Variants in COL9A2 observed in about 807,000 individuals in gnomAD.
COL9A2 encodes collagen alpha-2(IX) chain.
COL9A2 carries 66 observed loss-of-function variants against 111.6 expected under a neutral mutation model. The observed-to-expected ratio is 0.59, with a 90% CI of 0.48 to 0.73. The LOEUF is 0.73. Among genes scored for constraint, COL9A2 ranks in the 30% least tolerant of loss-of-function variants. The probability of loss-of-function intolerance (pLI) is 0.00; values close to 1 mark genes in which losing one functional copy is unlikely to be tolerated. For missense variants in COL9A2, 881 were observed against 954.1 expected, an observed-to-expected ratio of 0.92 and a Z score of 1.01; for synonymous variants, 353 against 364.1, an observed-to-expected ratio of 0.97 and a Z score of 0.35.
In COL9A2 at chr1:40,305,643, C is replaced by T; in HGVS notation, c.1107+72G>A. On this transcript the variant is annotated intron_variant, in intron 21 of 31. Coordinates refer to ENST00000372748, the MANE Select transcript of COL9A2 (RefSeq NM_001852.4). The stretch of plus-strand genomic sequence containing the variant: ...AGAGCCAGACTAACTCGGAGCTCTC[C>T]CTAGGTTAGGGCTCCACCCCATGGC... The T allele has an allele frequency of 6.4e-6, 9 of 1,405,230 alleles. No homozygotes were observed. In the Admixed American group the frequency reaches 6.7e-5, roughly 10 times the overall value. The allele number at this position is 1,405,230 out of a possible 1,614,324, so 87.0% of individuals were successfully genotyped here.
rs1643950607 is a variant in COL9A2, at chr1:40,303,544, TC to T, written c.1533del (p.Arg512AspfsTer19). ...GCCCGACTCACCTCCACGCCCTGTCTCCCGGGCTGTCCTGGCACGCCTCGGT... is the reference window on the plus strand; with the variant it reads ...GCCCGACTCACCTCCACGCCCTGTCTCCGGGCTGTCCTGGCACGCCTCGGT... ...AGNRGVPGQP[G>X]RQGVEGRDAT... On this transcript the variant is annotated frameshift_variant, in exon 28 of 32. Transcript: ENST00000372748. LOFTEE classifies it high-confidence loss of function. The surrounding 1 kb of genome is among the most constrained non-coding windows in gnomAD (Gnocchi z 4.6). 6.2e-7 allele frequency: 1 copy of T among 1,610,872 alleles called. No individual in the cohort carries two copies. Among genetic ancestry groups the T allele is most frequent in the Non-Finnish European group, 8.5e-7 (1 of 1,179,314 alleles).
chr1:40,305,777 A>G lies in COL9A2; in HGVS notation c.1054-9T>C. Reference sequence around the variant, plus strand: ...TGCGGGCCCGGCTCACCCTGCAGGAAAACAGTTCTCAGGTCAGTCTGGGTG... The same window carrying G: ...TGCGGGCCCGGCTCACCCTGCAGGAGAACAGTTCTCAGGTCAGTCTGGGTG... On this transcript the variant is annotated splice_polypyrimidine_tract_variant and intron_variant, in intron 20 of 31. Coordinates refer to ENST00000372748, the MANE Select transcript of COL9A2 (RefSeq NM_001852.4). 1 of 1,614,038 alleles carries G rather than the reference A, an allele frequency of 6.2e-7. No homozygotes were observed. The highest frequency in any genetic ancestry group is 8.5e-7 in the Non-Finnish European group (1 of 1,179,936).
At chr1:40,305,835 A>T (rs1036110019) in intron 20 of COL9A2, 67 bp from the exon 21 acceptor site, 1 of 1,425,902 alleles carries the variant, frequency 7.0e-7, no homozygotes, top group East Asian at 2.3e-5. Flanking sequence ...AGGGAAACCC[A>T]ACGAAGCCTA....
intron 20 of COL9A2, 108 bp from the exon 21 acceptor site, chr1:40,305,876 G>C (rs772029994): frequency 5.1e-6 from 5 of 980,288 alleles, no homozygotes; most frequent in African/African-American, 3.2e-5. Flanking sequence ...GAGCTGGGAC[G>C]GGGGAGAGGG....
Position 40,311,148 on chromosome 1 carries a change from T to C in COL9A2, c.577-2A>G. 6.2e-7 allele frequency: 1 copy of C among 1,614,210 alleles called. No homozygotes were observed. The highest frequency in any genetic ancestry group is 1.1e-5 in the South Asian group (1 of 91,088). The stretch of plus-strand genomic sequence containing the variant: ...AATCCCGCGTTTGCCCGCATGCCCC[T>C]GAAGGGAAGGAGAGAGCTCAATACG... On this transcript the variant is annotated splice_acceptor_variant, in intron 11 of 31. Transcript: ENST00000372748. LOFTEE classifies it high-confidence loss of function. The surrounding 1 kb of genome is among the most constrained non-coding windows in gnomAD (Gnocchi z 5.1).
Position 40,317,231 on chromosome 1 carries a change from G to T in COL9A2, c.-34C>A. On this transcript the variant is annotated 5_prime_UTR_variant, in exon 1 of 32. Coordinates refer to ENST00000372748, the MANE Select transcript of COL9A2 (RefSeq NM_001852.4). This position sits in a 1 kb window ranked among gnomAD's most constrained non-coding sequence, Gnocchi z 4.3. ...GCGAGACCAAGGGGGACGGGTGCGT[G>T]TCCGCGCACGCACCGACGGCAGAGT... The T allele has an allele frequency of 2.0e-6, 3 of 1,534,078 alleles. No individual in the cohort carries two copies. The highest frequency in any genetic ancestry group is 2.7e-6 in the Non-Finnish European group (3 of 1,130,472).
Position 40,301,075 on chromosome 1 carries a change from G to A in COL9A2, c.*107C>T. On this transcript the variant is annotated 3_prime_UTR_variant, in exon 32 of 32. Transcript: ENST00000372748. ...AGGACTCCTGAGTCCCAGACAGAAG[G>A]TCCTGGGGGAGATGGTTTCCTGGAC... 1 of 1,193,598 alleles carries A rather than the reference G, an allele frequency of 8.4e-7. No individual in the cohort carries two copies. Among genetic ancestry groups the A allele is most frequent in the Non-Finnish European group, 1.2e-6 (1 of 814,966 alleles). 73.9% of individuals were successfully genotyped at this position (1,193,598 alleles called of 1,614,324 possible). A position where few individuals can be genotyped will look rare whatever the true frequency, so the allele number is the denominator to read the frequency against.
Position 40,307,795 on chromosome 1 carries a change from G to A in COL9A2, c.901-39C>T, listed in dbSNP as rs770497535. 1 of 1,609,298 alleles carries A rather than the reference G, an allele frequency of 6.2e-7. No individual in the cohort carries two copies. The highest frequency in any genetic ancestry group is 1.3e-5 in the African/African-American group (1 of 74,794). On this transcript the variant is annotated intron_variant, in intron 17 of 31. Transcript: ENST00000372748. This position sits in a 1 kb window ranked among gnomAD's most constrained non-coding sequence, Gnocchi z 4.8. ...AAGTTCAAGGGAGAGTGATAATGCG[G>A]AGATGTCTGGGGTCTGGCCACCCAC...
chr1:40,305,031 A>T, intron 21 of COL9A2, 184 bp from the exon 22 acceptor site: 3 of 499,872 alleles, frequency 6.0e-6, no homozygotes, highest in Non-Finnish European at 1.1e-5. Flanking sequence ...CACAATTTGA[A>T]TTACTTATCA....
intron 16 of COL9A2, 76 bp downstream of exon 16, chr1:40,309,862 C>A: frequency 6.9e-7 from 1 of 1,454,874 alleles, no homozygotes; most frequent in South Asian, 1.1e-5. Flanking sequence ...CTCACACACA[C>A]AGCCTTAGGG....
chr1:40,312,299 G>C lies in COL9A2; in HGVS notation c.363+157C>G. The C allele has an allele frequency of 8.8e-7, 1 of 1,132,504 alleles. No homozygotes were observed. The highest frequency in any genetic ancestry group is 1.3e-6 in the Non-Finnish European group (1 of 768,932). The allele number at this position is 1,132,504 out of a possible 1,614,324, so 70.2% of individuals were successfully genotyped here. A position where few individuals can be genotyped will look rare whatever the true frequency, so the allele number is the denominator to read the frequency against. On this transcript the variant is annotated intron_variant, in intron 7 of 31. Coordinates refer to ENST00000372748, the MANE Select transcript of COL9A2 (RefSeq NM_001852.4). The surrounding 1 kb of genome is among the most constrained non-coding windows in gnomAD (Gnocchi z 6.0). ...ATTGCAGAGCCAGTGGACAGGCCCA[G>C]AGTGGGCTGGCCCTGGGTCTCTGGC...
At position 40,301,293 on chromosome 1, in the gene COL9A2, G is replaced by A; in HGVS notation, c.1959C>T (p.Gly653=). The A allele has an allele frequency of 1.2e-6, 2 of 1,613,080 alleles. No homozygotes were observed. Among genetic ancestry groups the A allele is most frequent in the Non-Finnish European group, 8.5e-7 (1 of 1,179,436 alleles). The change falls in exon 32 of 32, where the codon GGC becomes GGT. Residue 653 remains glycine, a synonymous_variant. Transcript: ENST00000372748. ...CCGGCAGCCCCACGGGGCCTGGCAGGCCAGGTCGACCTGCCTCTCCTGGAG... is the reference window on the plus strand; with the variant it reads ...CCGGCAGCCCCACGGGGCCTGGCAGACCAGGTCGACCTGCCTCTCCTGGAG... The part of the protein sequence containing the change: ...PGAPGEAGRP[G]LPGPVGLPGF...
rs539607635 is a variant in COL9A2 at position 40,316,665 on chromosome 1, C to T, written c.75+458G>A. 1.6e-5 allele frequency: 7 copies of T among 436,194 alleles called. No individual in the cohort carries two copies. Among genetic ancestry groups the T allele is most frequent in the Non-Finnish European group, 2.3e-5 (5 of 218,726 alleles). 27.0% of individuals were successfully genotyped at this position (436,194 alleles called of 1,614,324 possible). On this transcript the variant is annotated intron_variant, in intron 1 of 31. Transcript: ENST00000372748. The surrounding 1 kb of genome is among the most constrained non-coding windows in gnomAD (Gnocchi z 5.5). Reference sequence around the variant, plus strand: ...CTCTGCCCTACCCGCGCGCCCGCAGCCCCCGGCGGCCCTCGGAAGGGAGAC... The same window carrying T: ...CTCTGCCCTACCCGCGCGCCCGCAGTCCCCGGCGGCCCTCGGAAGGGAGAC...
Position 40,312,848 on chromosome 1 carries a change from G to A in COL9A2, c.250-64C>T. ...CCTGCTCCCTGACCCACAGAGCAGG[G>A]CAGGTTCAAGGGTCCCTCCTGGGTG... On this transcript the variant is annotated intron_variant, in intron 4 of 31. Transcript: ENST00000372748. The surrounding 1 kb of genome is among the most constrained non-coding windows in gnomAD (Gnocchi z 6.0). 6.8e-7 allele frequency: 1 copy of A among 1,466,534 alleles called. No homozygotes were observed. Among genetic ancestry groups the A allele is most frequent in the Non-Finnish European group, 9.3e-7 (1 of 1,071,810 alleles). 90.8% of individuals were successfully genotyped at this position (1,466,534 alleles called of 1,614,324 possible).
At chr1:40,305,876 G>T (rs772029994) in intron 20 of COL9A2, 108 bp from the exon 21 acceptor site, 1 of 980,288 alleles carries the variant, frequency 1.0e-6, no homozygotes, top group South Asian at 1.3e-5. Context: ...GAGCTGGGAC[G>T]GGGGAGAGGG....
In COL9A2 at chr1:40,303,421, C is replaced by CT; in HGVS notation, c.1548+108dup. The CT allele has an allele frequency of 1.4e-6, 2 of 1,479,972 alleles. No homozygotes were observed. Among genetic ancestry groups the CT allele is most frequent in the Non-Finnish European group, 9.2e-7 (1 of 1,083,076 alleles). The allele number at this position is 1,479,972 out of a possible 1,614,324, so 91.7% of individuals were successfully genotyped here. A position where few individuals can be genotyped will look rare whatever the true frequency, so the allele number is the denominator to read the frequency against. ...GTCTGCTCTGGGGCTTGGAACCAGT[C>CT]TCGGGGAAGTCGGTGAGTCTCTGGG... On this transcript the variant is annotated intron_variant, in intron 28 of 31. Transcript: ENST00000372748. This position sits in a 1 kb window ranked among gnomAD's most constrained non-coding sequence, Gnocchi z 4.6.
chr1:40,301,179 T>A lies in COL9A2; in HGVS notation c.*3A>T. 6.2e-7 allele frequency: 1 copy of A among 1,613,018 alleles called. No individual in the cohort carries two copies. Among genetic ancestry groups the A allele is most frequent in the Non-Finnish European group, 8.5e-7 (1 of 1,179,958 alleles). On this transcript the variant is annotated 3_prime_UTR_variant, in exon 32 of 32. Coordinates refer to ENST00000372748, the MANE Select transcript of COL9A2 (RefSeq NM_001852.4). ...CCTGCCAGGCTCTGTCTGGGCCTGA[T>A]GCTCAAGGCCCCTTGATGGATCCAG...
At position 40,303,997 on chromosome 1, in the gene COL9A2, C is replaced by G. The variant is rs781040373; in HGVS notation, c.1324-25G>C. ...CCTGCAGAGAGAACCACGGGTCAGA[C>G]GCGCGGTGGCGGCGGGGACGCAGAG... On this transcript the variant is annotated intron_variant, in intron 25 of 31. Transcript: ENST00000372748. The surrounding 1 kb of genome is among the most constrained non-coding windows in gnomAD (Gnocchi z 4.6). The G allele has an allele frequency of 1.8e-5, 29 of 1,568,430 alleles. No individual in the cohort carries two copies. Among genetic ancestry groups the G allele is most frequent in the Non-Finnish European group, 2.4e-5 (28 of 1,156,514 alleles).
rs150687987 is a variant in COL9A2, at chr1:40,301,270, G to C, written c.1982C>G (p.Pro661Arg). ...RPGLPGPVGL[P>R]GFCEPAACLG... is the part of the protein sequence containing the mutation. Reference sequence around the variant, plus strand: ...GCAGGCGGCAGGTTCACAGAAGCCCGGCAGCCCCACGGGGCCTGGCAGGCC... The same window carrying C: ...GCAGGCGGCAGGTTCACAGAAGCCCCGCAGCCCCACGGGGCCTGGCAGGCC... The change falls in exon 32 of 32, where the codon CCG (proline) becomes CGG (arginine). Residue 661 changes from proline (P) to arginine (R), a missense_variant. By Grantham distance (103) the Pro-to-Arg change is moderately radical. Coordinates refer to ENST00000372748, the MANE Select transcript of COL9A2 (RefSeq NM_001852.4). The C allele has an allele frequency of 6.8e-6, 11 of 1,614,052 alleles. No individual in the cohort carries two copies. Among genetic ancestry groups the C allele is most frequent in the Middle Eastern group, 3.3e-4 (2 of 6,056 alleles).
Sources: gnomAD v4.1 joint callset for allele counts on GRCh38, gnomAD v4.1.1 for gene constraint, Gnocchi (gnomAD v3.1) non-coding constraint, MANE v1.5 for transcripts, NCBI Gene and HGNC (gene_info 2026-07-23, HGNC 2026-07-21) for gene names.